The following STPG2 variants were observed in gnomAD, a reference collection of about 807,000 sequenced individuals.
STPG2 encodes sperm-tail PG-rich repeat-containing protein 2.
STPG2 carries 56 observed loss-of-function variants against 54.2 expected under a neutral mutation model. The observed-to-expected ratio is 1.03, with a 90% confidence interval of 0.83 to 1.29. The LOEUF (loss-of-function observed/expected upper bound fraction) is 1.29. Ranked by LOEUF, STPG2 falls within the 50% of genes most tolerant of loss-of-function variation. The pLI is 0.00. For missense variants in STPG2, 596 were observed against 544.9 expected (o/e 1.09, Z -0.93); for synonymous variants, 200 against 181.8 (o/e 1.10, Z -0.81).
intron 5 of STPG2, among the ~76,000 whole-genome samples, chr4:97,997,132 T>G (rs775485198): frequency 3.3e-5 from 5 of 152,246 alleles, no homozygotes; most frequent in Admixed American, 6.5e-5. Context: ...TGAAGACACA[T>G]GCATGCATAT....
chr4:98,063,876 CAA>C (rs544734158), intron 5 of STPG2, among the ~76,000 whole-genome samples: 3 of 151,116 alleles, frequency 2.0e-5, no homozygotes, highest in African/African-American at 7.3e-5. Flanking sequence ...TACGTTTCTA[CAA>C]AAAAAATATA....
downstream of STPG2, among the ~76,000 whole-genome samples, chr4:97,558,361 C>T (rs1732131760): frequency 6.6e-6 from 1 of 152,182 alleles, no homozygotes; most frequent in South Asian, 2.1e-4. Context: ...TCTGTATTTA[C>T]AACCTTCCCC....
chr4:97,709,549 AAG>A (rs1724047993), intron 10 of STPG2, among the ~76,000 whole-genome samples: 1 of 151,512 alleles, frequency 6.6e-6, no homozygotes, highest in South Asian at 2.1e-4. Context: ...TTGCTTTTTT[AAG>A]AGATATATTT....
chr4:97,565,231 C>T (rs150887491), intron 10 of STPG2, among the ~76,000 whole-genome samples: 1 of 152,178 alleles, frequency 6.6e-6, no homozygotes, highest in Non-Finnish European at 1.5e-5. Context: ...CACATCAGCT[C>T]CTGAGGCTTC....
chr4:97,990,776 C>T (rs1477559722), intron 5 of STPG2, among the ~76,000 whole-genome samples: 3 of 152,076 alleles, frequency 2.0e-5, no homozygotes, highest in African/African-American at 4.8e-5. Context: ...TGTAACCTAA[C>T]AAAAAATGAT....
intron 9 of STPG2, among the ~76,000 whole-genome samples, chr4:97,735,385 C>T (rs55836412): frequency 0.018 from 2,652 of 151,116 alleles, 70 homozygotes; most frequent in African/African-American, 0.061. Context: ...ATACAATGTA[C>T]TTTAGAGACT....
At chr4:98,046,784 T>C (rs1005838234) in intron 5 of STPG2, among the ~76,000 whole-genome samples, 3 of 152,174 alleles carry the variant, frequency 2.0e-5, no homozygotes, top group African/African-American at 4.8e-5. Context: ...CACACACTCT[T>C]TAAACCCACT....
At chr4:97,768,599 G>A (rs1381782949) in intron 9 of STPG2, among the ~76,000 whole-genome samples, 1 of 152,218 alleles carries the variant, frequency 6.6e-6, no homozygotes, top group East Asian at 1.9e-4. Context: ...ATAGGAAGGT[G>A]TAGTTTTTGG....
chr4:97,865,669 G>A (rs1453863074), intron 8 of STPG2, among the ~76,000 whole-genome samples: 1 of 151,876 alleles, frequency 6.6e-6, no homozygotes, highest in African/African-American at 2.4e-5. Flanking sequence ...CTTGGACTCA[G>A]GAAGGGGAAC....
chr4:97,684,519 A>T (rs1199021626), intron 10 of STPG2, among the ~76,000 whole-genome samples: 1 of 151,974 alleles, frequency 6.6e-6, no homozygotes, highest in Non-Finnish European at 1.5e-5. Context: ...GGTTCCGGAA[A>T]AAGTGGACAT....
At chr4:97,828,854 A>T (rs1728347121) in intron 9 of STPG2, among the ~76,000 whole-genome samples, 1 of 152,120 alleles carries the variant, frequency 6.6e-6, no homozygotes. Flanking sequence ...CTGAACAGAA[A>T]AAAAGGCAGC....
intron 5 of STPG2, among the ~76,000 whole-genome samples, chr4:97,989,356 T>G (rs1353012893): frequency 2.0e-5 from 3 of 152,186 alleles, no homozygotes; most frequent in Non-Finnish European, 2.9e-5. Context: ...ACAGTACTCC[T>G]TCCTTATCCA....
intron 10 of STPG2, among the ~76,000 whole-genome samples, chr4:97,622,397 G>A (rs561466844): frequency 6.6e-6 from 1 of 152,040 alleles, no homozygotes; most frequent in Admixed American, 6.5e-5. Context: ...CTGCCCAAAA[G>A]TTTCTTGATT....
At chr4:97,606,591 T>C (rs1457729206) in intron 10 of STPG2, among the ~76,000 whole-genome samples, 3 of 152,028 alleles carry the variant, frequency 2.0e-5, no homozygotes, top group African/African-American at 4.8e-5. Context: ...GTTTGAGTCA[T>C]TCACTGGCTG....
At chr4:98,132,425 A>C (rs1320714098) in intron 2 of STPG2, among the ~76,000 whole-genome samples, 2 of 152,058 alleles carry the variant, frequency 1.3e-5, no homozygotes, top group Non-Finnish European at 2.9e-5. Context: ...TAACAAGTAT[A>C]ATTTAAAATA....
At chr4:97,580,430 T>G (rs1457533011) in intron 10 of STPG2, among the ~76,000 whole-genome samples, 1 of 151,940 alleles carries the variant, frequency 6.6e-6, no homozygotes, top group Admixed American at 6.6e-5. Flanking sequence ...ATTTAAAGAT[T>G]CTCCTACTTA....
intron 8 of STPG2, chr4:97,916,533 A>G (rs1731883832): frequency 1.3e-5 from 2 of 152,538 alleles, no homozygotes; most frequent in Non-Finnish European, 2.9e-5. Context: ...CTTTGTATTG[A>G]CCATAGTACA....
intron 8 of STPG2, among the ~76,000 whole-genome samples, chr4:97,903,840 A>T (rs1731277965): frequency 6.6e-6 from 1 of 152,212 alleles, no homozygotes; most frequent in Admixed American, 6.5e-5. Context: ...GGGGTGACAG[A>T]TGGCACCTGG....
chr4:97,737,987 A>T (rs192587892), intron 9 of STPG2, among the ~76,000 whole-genome samples: 133 of 152,310 alleles, frequency 8.7e-4, no homozygotes, highest in African/African-American at 3.0e-3. Context: ...CACAAAGGGA[A>T]GCCCATCAGG....
Sources: gnomAD v4.1 joint callset for allele counts (sites outside exome capture counted in the v4.1 genomes callset) on GRCh38, gnomAD v4.1.1 for gene constraint, MANE v1.5 for transcripts, NCBI Gene and HGNC (gene_info 2026-07-23, HGNC 2026-07-21) for gene names.